Variants in NECAB2 observed in about 807,000 individuals in gnomAD.
The protein encoded by NECAB2 is N-terminal EF-hand calcium binding protein 2.
In NECAB2, 68 loss-of-function variants were observed where a neutral mutation model predicts 51.9. That is an observed-to-expected ratio of 1.31 (90% confidence interval 1.08 to 1.60). NECAB2 has a LOEUF of 1.60. Ranked by LOEUF, NECAB2 falls within the 40% of genes most tolerant of loss-of-function variation. NECAB2 has a pLI of 0.00. For missense variants in NECAB2, 854 were observed against 490.3 expected (o/e 1.74, Z -7.00); for synonymous variants, 329 against 203.5 (o/e 1.62, Z -5.25).
At chr16:83,975,732 A>T (rs556463494) in intron 2 of NECAB2, among the ~76,000 whole-genome samples, 1 of 152,120 alleles carries the variant, frequency 6.6e-6, no homozygotes, top group Non-Finnish European at 1.5e-5. Flanking sequence ...CCCTTCAGGG[A>T]CATGGACGCT....
intron 2 of NECAB2, among the ~76,000 whole-genome samples, chr16:83,977,018 G>C (rs2084419227): frequency 6.6e-6 from 1 of 152,226 alleles, no homozygotes; most frequent in South Asian, 2.1e-4. Context: ...GGAAATGGAG[G>C]GTTTCAAATC....
intron 5 of NECAB2, among the ~76,000 whole-genome samples, chr16:83,982,142 A>T (rs938193554): frequency 6.6e-6 from 1 of 152,180 alleles, no homozygotes. Context: ...GTTTGTATCA[A>T]TACGCTCCTA....
At chr16:83,976,486 C>A (rs755725039) in intron 2 of NECAB2, among the ~76,000 whole-genome samples, 19 of 152,170 alleles carry the variant, frequency 1.2e-4, no homozygotes, top group Admixed American at 5.2e-4. Flanking sequence ...GTTTTATCTT[C>A]AGGCTTGCCG....
rs368224629 is a variant in NECAB2 at position 83,998,189 on chromosome 16, C to G, written c.850-16C>G. The G allele has an allele frequency of 1.9e-4, 299 of 1,605,190 alleles. No individual in the cohort carries two copies. In the African/African-American group the frequency reaches 2.1e-3, roughly 12 times the overall value. On this transcript the variant is annotated splice_polypyrimidine_tract_variant and intron_variant, in intron 9 of 12. Transcript: ENST00000305202. ...CTGACGTGGAGCCCCACACTGACTC[C>G]TGCTGTGCCCGGCAGCACCTGCAGC...
At chr16:83,965,498 A>T, upstream of NECAB2, 4 of 1,611,486 alleles carry the variant, frequency 2.5e-6, no homozygotes, top group Admixed American at 6.7e-5. Flanking sequence ...CCACTACAAC[A>T]TCCCGGTGAT....
chr16:83,982,993 C>T (rs1374439760), intron 5 of NECAB2, among the ~76,000 whole-genome samples: 2 of 151,924 alleles, frequency 1.3e-5, no homozygotes, highest in Non-Finnish European at 2.9e-5. Context: ...CTCAGCCTCC[C>T]GAGTAGCTGG....
chr16:83,978,318 G>A, intron 2 of NECAB2, 126 bp from the exon 3 acceptor site: 1 of 699,538 alleles, frequency 1.4e-6, no homozygotes, highest in Non-Finnish European at 2.4e-6. Context: ...GGAGGGTAGG[G>A]ATTATCTGAG....
chr16:83,992,065 T>C (rs1254544120), intron 6 of NECAB2, among the ~76,000 whole-genome samples: 1 of 152,218 alleles, frequency 6.6e-6, no homozygotes, highest in African/African-American at 2.4e-5. Context: ...CCTGTCATTG[T>C]TTACGATCCA....
chr16:84,000,413 C>CGCTACTTG (rs2084806276), intron 10 of NECAB2, among the ~76,000 whole-genome samples: 1 of 152,084 alleles, frequency 6.6e-6, no homozygotes, highest in Non-Finnish European at 1.5e-5. Context: ...CTCTAGTCCC[C>CGCTACTTG]GCTACTTGGA....
At chr16:83,993,597 T>TGCTGGACA (rs1395228236) in intron 6 of NECAB2, 1 of 154,932 alleles carries the variant, frequency 6.5e-6, no homozygotes, top group East Asian at 1.9e-4. Flanking sequence ...CCCTACTATG[T>TGCTGGACA]GCTGGACACA....
At chr16:83,989,243 C>T (rs765034033) in intron 5 of NECAB2, among the ~76,000 whole-genome samples, 2 of 152,182 alleles carry the variant, frequency 1.3e-5, no homozygotes, top group African/African-American at 4.8e-5. Context: ...CTGCGGGAAC[C>T]TGCCAAGCTG....
chr16:83,985,250 T>C lies in NECAB2; in HGVS notation c.459+4123T>C, dbSNP rs1182208008. ...ATCACTTGAACCCGGGAGGTGGAGGTTGCAGTGAGTAGAGACTGCGCCATT... is the reference window on the plus strand; with the variant it reads ...ATCACTTGAACCCGGGAGGTGGAGGCTGCAGTGAGTAGAGACTGCGCCATT... On this transcript the variant is annotated intron_variant, in intron 5 of 12. Transcript: ENST00000305202. Among the ~76,000 whole-genome samples, 3 of 121,288 alleles carry C rather than the reference T, an allele frequency of 2.5e-5. No homozygotes were observed. In the East Asian group the frequency reaches 7.6e-4, roughly 31 times the overall value. The allele number at this position is 121,288 out of a possible 152,430, so 79.6% of individuals were successfully genotyped here.
chr16:83,995,981 G>T (rs1432162292), intron 8 of NECAB2, among the ~76,000 whole-genome samples: 3 of 152,216 alleles, frequency 2.0e-5, no homozygotes, highest in South Asian at 2.1e-4. Flanking sequence ...GGTAACCACG[G>T]AGTACCTGGG....
intron 5 of NECAB2, among the ~76,000 whole-genome samples, chr16:83,986,950 T>TG (rs2084564516): frequency 2.6e-5 from 4 of 152,160 alleles, no homozygotes; most frequent in Admixed American, 6.5e-5. Flanking sequence ...AATATGTGGG[T>TG]GACGGGTACA....
At chr16:83,977,620 C>G (rs2084429740) in intron 2 of NECAB2, among the ~76,000 whole-genome samples, 1 of 152,114 alleles carries the variant, frequency 6.6e-6, no homozygotes, top group African/African-American at 2.4e-5. Flanking sequence ...TGTGGAGCTC[C>G]ACCTCAGAAG....
At chr16:83,989,115 G>A (rs1026499588) in intron 5 of NECAB2, among the ~76,000 whole-genome samples, 1 of 152,156 alleles carries the variant, frequency 6.6e-6, no homozygotes, top group Non-Finnish European at 1.5e-5. Context: ...GCAGCCTTTT[G>A]CTTTGTGTTT....
rs779588707 is a variant in NECAB2 at position 83,997,239 on chromosome 16, G to A, written c.819G>A (p.Gln273=). 6 of 1,614,148 alleles carry A rather than the reference G, an allele frequency of 3.7e-6. No individual in the cohort carries two copies. Among genetic ancestry groups the A allele is most frequent in the Non-Finnish European group, 3.4e-6 (4 of 1,180,022 alleles). ...AGGCACTGTGGTTCGACCTGCAGCA[G>A]CGCCTGTCAGATGAAGATGGCACCA... ...ESKALWFDLQ[Q]RLSDEDGTNM... Residue 273 remains glutamine (Q), a synonymous_variant, in exon 9 of 13, where the codon CAG becomes CAA. Transcript: ENST00000305202.
At chr16:83,980,359 C>T (rs1369395076) in intron 3 of NECAB2, among the ~76,000 whole-genome samples, 2 of 152,140 alleles carry the variant, frequency 1.3e-5, no homozygotes, top group Non-Finnish European at 2.9e-5. Context: ...CAGGACCCTT[C>T]TCCAGGCTGT....
Position 83,981,261 on chromosome 16 carries a change from C to A in NECAB2, c.459+134C>A, listed in dbSNP as rs1006414118. 3.1e-5 allele frequency: 22 copies of A among 717,704 alleles called. No individual in the cohort carries two copies. In the African/African-American group the frequency reaches 3.2e-4, roughly 11 times the overall value. 44.5% of individuals were successfully genotyped at this position (717,704 alleles called of 1,614,324 possible). A position where few individuals can be genotyped will look rare whatever the true frequency, so the allele number is the denominator to read the frequency against. On this transcript the variant is annotated intron_variant, in intron 5 of 12. Transcript: ENST00000305202. ...TCTCAGGGGTGGGCTTTGCCTGGGC[C>A]TCTTTGAAGCAGCTGAGATGAACTG...
Sources: gnomAD v4.1 joint callset for allele counts (sites outside exome capture counted in the v4.1 genomes callset) on GRCh38, gnomAD v4.1.1 for gene constraint, MANE v1.5 for transcripts, NCBI Gene and HGNC (gene_info 2026-07-23, HGNC 2026-07-21) for gene names.